Variants in JUND observed in about 807,000 individuals in gnomAD.
JUND encodes the protein transcription factor JunD.
A neutral mutation model predicts 7.1 loss-of-function variants in JUND; 2 were observed. The ratio of observed to expected loss-of-function variants is 0.28; its 90% CI spans 0.11 to 0.88. The LOEUF (loss-of-function observed/expected upper bound fraction) is 0.88, where lower values mean the gene tolerates loss of function less well. Among genes scored for constraint, JUND ranks in the 40% least tolerant of loss-of-function variants. JUND has a pLI of 0.60. For missense variants in JUND, 479 were observed against 519.1 expected (o/e 0.92, Z 0.75); for synonymous variants, 335 against 263.2 (o/e 1.27, Z -2.64).
Position 18,280,888 on chromosome 19 carries a change from G to A in JUND, c.597C>T (p.Ser199=). ...CCGCGCCCCCGGCGCCGCCCGCGTA[G>A]CTGCTCAGGTTCGCGTAGACAGGCG... The part of the protein sequence containing the change: ...PEAPVYANLS[S]YAGGAGGAGG... Residue 199 remains serine, a synonymous_variant, in exon 1 of 1, where the codon AGC becomes AGT. Transcript: ENST00000252818. The surrounding 1 kb of genome is among the most constrained non-coding windows in gnomAD (Gnocchi z 4.1). 1 of 1,284,036 alleles carries A rather than the reference G, an allele frequency of 7.8e-7. No homozygotes were observed. 79.5% of individuals were successfully genotyped at this position (1,284,036 alleles called of 1,614,324 possible). A position where few individuals can be genotyped will look rare whatever the true frequency, so the allele number is the denominator to read the frequency against.
At position 18,281,360 on chromosome 19, in the gene JUND, C is replaced by CCGGCCG; in HGVS notation, c.119_124dup (p.Ala40_Ala41dup). ...CAGCGCGTCCTTCTTCATCATGCTG[C>CCGGCCG]CGGCCGCGGCCGTCGGGGGCGCCCC... On this transcript the variant is annotated inframe_insertion, in exon 1 of 1. Coordinates refer to ENST00000252818, the MANE Select transcript of JUND (RefSeq NM_005354.6). 7.4e-7 allele frequency: 1 copy of CCGGCCG among 1,342,628 alleles called. No individual in the cohort carries two copies. The highest frequency in any genetic ancestry group is 1.5e-5 in the African/African-American group (1 of 64,732). 83.2% of individuals were successfully genotyped at this position (1,342,628 alleles called of 1,614,324 possible). A position where few individuals can be genotyped will look rare whatever the true frequency, so the allele number is the denominator to read the frequency against.
In JUND at chr19:18,279,878, G is replaced by T; in HGVS notation, c.*563C>A. 6.6e-6 allele frequency: 1 copy of T among 151,524 alleles called. No individual in the cohort carries two copies. The highest frequency in any genetic ancestry group is 1.5e-5 in the Non-Finnish European group (1 of 68,090). The allele number at this position is 151,524 out of a possible 1,614,324, so 9.4% of individuals were successfully genotyped here. On this transcript the variant is annotated 3_prime_UTR_variant, in exon 1 of 1. Coordinates refer to ENST00000252818, the MANE Select transcript of JUND (RefSeq NM_005354.6). ...ACAAAAAAGGGAGGGGGGACCGGTCGAAAGAACCGAAGGGGGGAGCGAGAT... is the reference window on the plus strand; with the variant it reads ...ACAAAAAAGGGAGGGGGGACCGGTCTAAAGAACCGAAGGGGGGAGCGAGAT...
rs749547350 is a variant in JUND at position 18,280,829 on chromosome 19, G to A, written c.656C>T (p.Pro219Leu). Residue 219 changes from proline to leucine, a missense_variant, in exon 1 of 1, where the codon CCT (proline) becomes CTT (leucine). Coordinates refer to ENST00000252818, the MANE Select transcript of JUND (RefSeq NM_005354.6). This position sits in a 1 kb window ranked among gnomAD's most constrained non-coding sequence, Gnocchi z 4.1. ...GGGTGGCGGCGGCGGGAAGGGCACA[G>A]GTTCGGCAGCGAAGGCGACCGTCGC... ...GAATVAFAAE[P>L]VPFPPPPPPG... 9.0e-6 allele frequency: 13 copies of A among 1,442,964 alleles called. No individual in the cohort carries two copies. The highest frequency in any genetic ancestry group is 1.2e-5 in the Non-Finnish European group (13 of 1,109,754). The allele number at this position is 1,442,964 out of a possible 1,614,324, so 89.4% of individuals were successfully genotyped here.
chr19:18,280,407 G>A lies in JUND; in HGVS notation c.*34C>T. On this transcript the variant is annotated 3_prime_UTR_variant, in exon 1 of 1. Coordinates refer to ENST00000252818, the MANE Select transcript of JUND (RefSeq NM_005354.6). The surrounding 1 kb of genome is among the most constrained non-coding windows in gnomAD (Gnocchi z 4.1). ...ACCCCCCCGCGAGCCCGCCCCTTGG[G>A]GAGGGTGGCCGCGCATGCGCCCCGC... 5.2e-6 allele frequency: 8 copies of A among 1,537,032 alleles called. No homozygotes were observed. The highest frequency in any genetic ancestry group is 7.0e-6 in the Non-Finnish European group (8 of 1,144,752).
In JUND at chr19:18,280,277, G is replaced by GCACTCTC; in HGVS notation, c.*163_*164insGAGAGTG. 1.2e-5 allele frequency: 1 copy of GCACTCTC among 86,228 alleles called. No individual in the cohort carries two copies. Among genetic ancestry groups the GCACTCTC allele is most frequent in the Non-Finnish European group, 1.8e-5 (1 of 56,518 alleles). The allele number at this position is 86,228 out of a possible 1,614,324, so 5.3% of individuals were successfully genotyped here. Reference sequence around the variant, plus strand: ...CTTGTCGAGTCCTGGGCACCCTCGGGGGGGGGGAATCCCCGGGGGCCGCGC... The same window carrying GCACTCTC: ...CTTGTCGAGTCCTGGGCACCCTCGGGCACTCTCGGGGGGGAATCCCCGGGGGCCGCGC... On this transcript the variant is annotated 3_prime_UTR_variant, in exon 1 of 1. Coordinates refer to ENST00000252818, the MANE Select transcript of JUND (RefSeq NM_005354.6). This position sits in a 1 kb window ranked among gnomAD's most constrained non-coding sequence, Gnocchi z 4.1.
chr19:18,280,091 T>G lies in JUND; in HGVS notation c.*350A>C. 1.8e-5 allele frequency: 5 copies of G among 276,194 alleles called. No homozygotes were observed. Among genetic ancestry groups the G allele is most frequent in the East Asian group, 1.3e-4 (1 of 7,656 alleles). 17.1% of individuals were successfully genotyped at this position (276,194 alleles called of 1,614,324 possible). A position where few individuals can be genotyped will look rare whatever the true frequency, so the allele number is the denominator to read the frequency against. ...AAGTAAAAGTAAAGGAAAGGCAGGG[T>G]TTGAGGCTGCGCCCCCTCGGAGCCC... On this transcript the variant is annotated 3_prime_UTR_variant, in exon 1 of 1. Transcript: ENST00000252818. The surrounding 1 kb of genome is among the most constrained non-coding windows in gnomAD (Gnocchi z 4.1).
rs987643837 is a variant in JUND at position 18,280,081 on chromosome 19, A to C, written c.*360T>G. On this transcript the variant is annotated 3_prime_UTR_variant, in exon 1 of 1. Transcript: ENST00000252818. The surrounding 1 kb of genome is among the most constrained non-coding windows in gnomAD (Gnocchi z 4.1). Reference sequence around the variant, plus strand: ...AAAAAAAAAAAAGTAAAAGTAAAGGAAAGGCAGGGTTTGAGGCTGCGCCCC... The same window carrying C: ...AAAAAAAAAAAAGTAAAAGTAAAGGCAAGGCAGGGTTTGAGGCTGCGCCCC... The C allele has an allele frequency of 2.3e-5, 6 of 261,532 alleles. No individual in the cohort carries two copies. The highest frequency in any genetic ancestry group is 1.8e-4 in the Admixed American group (3 of 16,708). 16.2% of individuals were successfully genotyped at this position (261,532 alleles called of 1,614,324 possible). A position where few individuals can be genotyped will look rare whatever the true frequency, so the allele number is the denominator to read the frequency against.
Position 18,281,578 on chromosome 19 carries a change from CCGGCCG to C in JUND, c.-100_-95del, listed in dbSNP as rs982959593. The C allele has an allele frequency of 6.2e-5, 22 of 356,838 alleles. No homozygotes were observed. Among genetic ancestry groups the C allele is most frequent in the South Asian group, 3.3e-4 (3 of 9,024 alleles). 22.1% of individuals were successfully genotyped at this position (356,838 alleles called of 1,614,324 possible). A position where few individuals can be genotyped will look rare whatever the true frequency, so the allele number is the denominator to read the frequency against. On this transcript the variant is annotated 5_prime_UTR_variant, in exon 1 of 1. Transcript: ENST00000252818. ...CCGTCCGCTCGGCCCTGCGCCCGCC[CCGGCCG>C]CGGCCGCAGCGCCCGGCCCTCCACT...
Position 18,280,699 on chromosome 19 carries a change from G to A in JUND, c.786C>T (p.Asp262=), listed in dbSNP as rs1314326522. The A allele has an allele frequency of 2.5e-6, 4 of 1,612,246 alleles. No homozygotes were observed. The highest frequency in any genetic ancestry group is 3.4e-6 in the Non-Finnish European group (4 of 1,179,746). ...CCTTGATGCGCTCCTGCGTGTCCAT[G>A]TCGATGGGCGACAACGGCGGGCTCT... ...FGESPPLSPI[D]MDTQERIKAE... The change falls in exon 1 of 1, where the codon GAC becomes GAT. Residue 262 remains aspartate (D), a synonymous_variant. Coordinates refer to ENST00000252818, the MANE Select transcript of JUND (RefSeq NM_005354.6). The surrounding 1 kb of genome is among the most constrained non-coding windows in gnomAD (Gnocchi z 4.1).
chr19:18,281,259 C>G lies in JUND; in HGVS notation c.226G>C (p.Asp76His). The G allele has an allele frequency of 6.8e-7, 1 of 1,467,014 alleles. No homozygotes were observed. Among genetic ancestry groups the G allele is most frequent in the East Asian group, 2.9e-5 (1 of 34,084 alleles). The allele number at this position is 1,467,014 out of a possible 1,614,324, so 90.9% of individuals were successfully genotyped here. ...GGGGGTGCCGCGCTGGGGGCGCCGT[C>G]GGCGCGCAGGGGGGTAGGAGGCGGC... ...AAPPPTPLRA[D>H]GAPSAAPPDG... Residue 76 changes from aspartate (D) to histidine (H), a missense_variant, in exon 1 of 1, where the codon GAC (aspartate) becomes CAC (histidine). This residue lies in a region of JUND where 374 missense variants were observed against 365.4 expected (regional missense o/e 1.02). Transcript: ENST00000252818.
Position 18,281,519 on chromosome 19 carries a change from A to G in JUND, c.-35T>C, listed in dbSNP as rs1340669625. Reference sequence around the variant, plus strand: ...CCCCCGCCGCGCCGGCCCGGGGGGGAGTGGCCGCGGCCTCCCGGGGGGCCC... The same window carrying G: ...CCCCCGCCGCGCCGGCCCGGGGGGGGGTGGCCGCGGCCTCCCGGGGGGCCC... On this transcript the variant is annotated 5_prime_UTR_variant, in exon 1 of 1. Coordinates refer to ENST00000252818, the MANE Select transcript of JUND (RefSeq NM_005354.6). 2.5e-5 allele frequency: 29 copies of G among 1,163,614 alleles called. No individual in the cohort carries two copies. Among genetic ancestry groups the G allele is most frequent in the Non-Finnish European group, 3.0e-5 (28 of 934,786 alleles). 72.1% of individuals were successfully genotyped at this position (1,163,614 alleles called of 1,614,324 possible).
At position 18,281,096 on chromosome 19, in the gene JUND, G is replaced by T; in HGVS notation, c.389C>A (p.Ala130Asp). The change falls in exon 1 of 1, where the codon GCC (alanine) becomes GAC (aspartate). Residue 130 changes from alanine (A) to aspartate (D), a missense_variant. By Grantham distance (126) the Ala-to-Asp change is moderately radical (BLOSUM62 -2). Transcript: ENST00000252818. ...SSQFLYPKVA[A>D]SEEQEFAEGF... ...CTCGGCGAACTCCTGCTCCTCGCTG[G>T]CCGCCACCTTGGGGTAGAGGAACTG... is the stretch of plus-strand genomic sequence containing the variant. 1.9e-6 allele frequency: 3 copies of T among 1,580,064 alleles called. No individual in the cohort carries two copies. Among genetic ancestry groups the T allele is most frequent in the Non-Finnish European group, 2.6e-6 (3 of 1,167,924 alleles).
chr19:18,281,436 C>T lies in JUND; in HGVS notation c.49G>A (p.Gly17Ser), dbSNP rs1224203498. ...GDEALSGLGG[G>S]ASGSGGSFAS... ...AAGCTGCCGCCGCTGCCACTGGCGC[C>T]GCCGCCCAGGCCGCTCAGCGCCTCA... The change falls in exon 1 of 1, where the codon GGC (glycine) becomes AGC (serine). Residue 17 changes from glycine (G) to serine (S), a missense_variant. By Grantham distance (56) the Gly-to-Ser change is moderately conservative (BLOSUM62 0). This residue lies in a region of JUND where 374 missense variants were observed against 365.4 expected (regional missense o/e 1.02). Transcript: ENST00000252818. The T allele has an allele frequency of 2.2e-6, 3 of 1,367,662 alleles. No homozygotes were observed. Among genetic ancestry groups the T allele is most frequent in the Non-Finnish European group, 2.8e-6 (3 of 1,065,216 alleles). 84.7% of individuals were successfully genotyped at this position (1,367,662 alleles called of 1,614,324 possible). A position where few individuals can be genotyped will look rare whatever the true frequency, so the allele number is the denominator to read the frequency against.
rs760662325 is a variant in JUND, at chr19:18,281,008, A to AGCGGCC, written c.471_476dup (p.Ala165_Ala166dup). Reference sequence around the variant, plus strand: ...CCCCGGCGGCGGCGGCGGCGGCGGCAGCGGCCGCGCCCGCGCCGAGCTGGT... The same window carrying AGCGGCC: ...CCCCGGCGGCGGCGGCGGCGGCGGCAGCGGCCGCGGCCGCGCCCGCGCCGAGCTGGT... On this transcript the variant is annotated inframe_insertion, in exon 1 of 1. Coordinates refer to ENST00000252818, the MANE Select transcript of JUND (RefSeq NM_005354.6). 6.7e-5 allele frequency: 82 copies of AGCGGCC among 1,220,110 alleles called. No individual in the cohort carries two copies. The African/African-American group carries it at 1.2e-3, about 18-fold the overall frequency. 75.6% of individuals were successfully genotyped at this position (1,220,110 alleles called of 1,614,324 possible).
chr19:18,281,322 T>G lies in JUND; in HGVS notation c.163A>C (p.Ser55Arg), dbSNP rs1969944742. 1 of 1,372,652 alleles carries G rather than the reference T, an allele frequency of 7.3e-7. No homozygotes were observed. Among genetic ancestry groups the G allele is most frequent in the East Asian group, 3.1e-5 (1 of 32,498 alleles). The allele number at this position is 1,372,652 out of a possible 1,614,324, so 85.0% of individuals were successfully genotyped here. Residue 55 changes from serine to arginine, a missense_variant, in exon 1 of 1, where the codon AGT becomes CGT. This residue lies in a region of JUND where 374 missense variants were observed against 365.4 expected (regional missense o/e 1.02). Transcript: ENST00000252818. ...TTGAGCGCTGCCGCCACCTGCTCAC[T>G]CAGGCTCAGCGTCAGCGCGTCCTTC... ...MKKDALTLSL[S>R]EQVAAALKPA...
In JUND at chr19:18,279,755, C is replaced by T. The variant is rs563448649; in HGVS notation, c.*686G>A. The T allele has an allele frequency of 3.3e-5, 5 of 152,726 alleles. No individual in the cohort carries two copies. Among genetic ancestry groups the T allele is most frequent in the African/African-American group, 9.6e-5 (4 of 41,536 alleles). 9.5% of individuals were successfully genotyped at this position (152,726 alleles called of 1,614,324 possible). On this transcript the variant is annotated 3_prime_UTR_variant, in exon 1 of 1. Coordinates refer to ENST00000252818, the MANE Select transcript of JUND (RefSeq NM_005354.6). ...GCGGGGGAAGAAGGAGGCGGAGAGCCGAGCTGGCGTAACGAGACTTTACTG... is the reference window on the plus strand; with the variant it reads ...GCGGGGGAAGAAGGAGGCGGAGAGCTGAGCTGGCGTAACGAGACTTTACTG...
Position 18,280,870 on chromosome 19 carries a change from C to T in JUND, c.615G>A (p.Gly205=). The part of the protein sequence containing the change: ...ANLSSYAGGA[G]GAGGAATVAF... ...CGACCGTCGCGGCGCCCCCCGCGCC[C>T]CCGGCGCCGCCCGCGTAGCTGCTCA... The change falls in exon 1 of 1, where the codon GGG becomes GGA. Residue 205 remains glycine (G), a synonymous_variant. Transcript: ENST00000252818. This position sits in a 1 kb window ranked among gnomAD's most constrained non-coding sequence, Gnocchi z 4.1. 1.5e-6 allele frequency: 2 copies of T among 1,294,190 alleles called. No individual in the cohort carries two copies. Among genetic ancestry groups the T allele is most frequent in the Non-Finnish European group, 9.7e-7 (1 of 1,031,620 alleles). 80.2% of individuals were successfully genotyped at this position (1,294,190 alleles called of 1,614,324 possible). A position where few individuals can be genotyped will look rare whatever the true frequency, so the allele number is the denominator to read the frequency against.
At position 18,280,154 on chromosome 19, in the gene JUND, G is replaced by C. The variant is rs540926782; in HGVS notation, c.*287C>G. The C allele has an allele frequency of 5.3e-4, 194 of 368,540 alleles. 1 individual carries two copies. Among genetic ancestry groups the C allele is most frequent in the Non-Finnish European group, 8.5e-4 (172 of 202,118 alleles). The allele number at this position is 368,540 out of a possible 1,614,324, so 22.8% of individuals were successfully genotyped here. On this transcript the variant is annotated 3_prime_UTR_variant, in exon 1 of 1. Coordinates refer to ENST00000252818, the MANE Select transcript of JUND (RefSeq NM_005354.6). The surrounding 1 kb of genome is among the most constrained non-coding windows in gnomAD (Gnocchi z 4.1). ...CGGTGTACAAAGGGGCAGCCGAGAC[G>C]CGCGGGTTTGTGCAACACGGGGCGG...
rs986549082 is a variant in JUND at position 18,280,125 on chromosome 19, G to T, written c.*316C>A. The T allele has an allele frequency of 3.2e-6, 1 of 314,200 alleles. No individual in the cohort carries two copies. The highest frequency in any genetic ancestry group is 5.9e-6 in the Non-Finnish European group (1 of 168,908). 19.5% of individuals were successfully genotyped at this position (314,200 alleles called of 1,614,324 possible). On this transcript the variant is annotated 3_prime_UTR_variant, in exon 1 of 1. Coordinates refer to ENST00000252818, the MANE Select transcript of JUND (RefSeq NM_005354.6). The surrounding 1 kb of genome is among the most constrained non-coding windows in gnomAD (Gnocchi z 4.1). ...GCGCCCCCTCGGAGCCCCCTTCCGC[G>T]GCGCGGTGTACAAAGGGGCAGCCGA...
Sources: gnomAD v4.1 joint callset for allele counts on GRCh38, gnomAD v4.1.1 for gene constraint, gnomAD v4.1.1 regional missense constraint, Gnocchi (gnomAD v3.1) non-coding constraint, MANE v1.5 for transcripts, NCBI Gene and HGNC (gene_info 2026-07-23, HGNC 2026-07-21) for gene names.